Variants in TSPO observed in about 807,000 individuals in gnomAD.
The protein encoded by TSPO is benzodiazepine peripheral binding site.
In TSPO, 14 loss-of-function variants were observed where a neutral mutation model predicts 13.9. The ratio of observed to expected loss-of-function variants is 1.01; its 90% CI spans 0.67 to 1.58. The LOEUF is 1.58. Ranked by LOEUF, TSPO falls within the 40% of genes most tolerant of loss-of-function variation. TSPO has a pLI of 0.00. For synonymous variants in TSPO, 114 were observed against 105.9 expected (o/e 1.08, Z -0.47); for missense variants, 232 against 229.6 (o/e 1.01, Z -0.07).
rs1269021778 is a variant in TSPO, at chr22:43,159,222, C to T, written c.-17C>T. The T allele has an allele frequency of 3.3e-6, 5 of 1,529,984 alleles. No individual in the cohort carries two copies. Among genetic ancestry groups the T allele is most frequent in the African/African-American group, 2.8e-5 (2 of 72,628 alleles). 94.8% of individuals were successfully genotyped at this position (1,529,984 alleles called of 1,614,324 possible). A position where few individuals can be genotyped will look rare whatever the true frequency, so the allele number is the denominator to read the frequency against. ...TCTTCTCTTTCAGAGCTCCCCTGAA[C>T]AGCAGCTGCAGCAGCCATGGCCCCG... On this transcript the variant is annotated 5_prime_UTR_variant, in exon 2 of 4. Transcript: ENST00000337554.
intron 1 of TSPO, among the ~76,000 whole-genome samples, chr22:43,152,579 A>T (rs983727952): frequency 6.6e-6 from 1 of 152,254 alleles, no homozygotes; most frequent in Non-Finnish European, 1.5e-5. Context: ...GCAGGTTTCC[A>T]CTGGCGGTGA....
intron 1 of TSPO, among the ~76,000 whole-genome samples, chr22:43,156,299 G>A (rs142144999): frequency 2.0e-5 from 3 of 152,334 alleles, no homozygotes; most frequent in Middle Eastern, 3.4e-3. Context: ...TGGGAACACT[G>A]GGTGAGTCCC....
intron 1 of TSPO, chr22:43,152,225 G>A (rs551724408): frequency 6.6e-6 from 1 of 152,600 alleles, no homozygotes; most frequent in South Asian, 2.1e-4. Context: ...GCCCAGGTAG[G>A]AGAAGCGGGG....
chr22:43,152,822 C>T (rs139646337), intron 1 of TSPO, among the ~76,000 whole-genome samples: 5 of 152,336 alleles, frequency 3.3e-5, no homozygotes, highest in Non-Finnish European at 1.5e-5. Context: ...CACTTTCTTT[C>T]CTGGGAGTGT....
chr22:43,156,192 C>T (rs1931244735), intron 1 of TSPO, among the ~76,000 whole-genome samples: 1 of 152,160 alleles, frequency 6.6e-6, no homozygotes, highest in African/African-American at 2.4e-5. Context: ...AGACCCTGCT[C>T]TCTTGCTGTG....
chr22:43,154,597 A>T (rs2147050804), intron 1 of TSPO, among the ~76,000 whole-genome samples: 1 of 152,096 alleles, frequency 6.6e-6, no homozygotes, highest in South Asian at 2.1e-4. Context: ...ACCTGAGGTG[A>T]TCTGCCTGCC....
chr22:43,162,420 C>A (rs1256807498), intron 3 of TSPO, among the ~76,000 whole-genome samples: 1 of 152,220 alleles, frequency 6.6e-6, no homozygotes, highest in Non-Finnish European at 1.5e-5. Flanking sequence ...CTGCACCTGA[C>A]AAATAGCAAG....
intron 1 of TSPO, among the ~76,000 whole-genome samples, chr22:43,156,774 T>A (rs1931263786): frequency 6.6e-6 from 1 of 152,204 alleles, no homozygotes; most frequent in Admixed American, 6.5e-5. Context: ...TTCCATGTCG[T>A]ATCAAGGGGT....
At chr22:43,156,474 A>G (rs768202597) in intron 1 of TSPO, among the ~76,000 whole-genome samples, 14 of 121,722 alleles carry the variant, frequency 1.2e-4, no homozygotes, top group African/African-American at 4.4e-4. Flanking sequence ...GCGTGATTCC[A>G]TTGATACCAA....
chr22:43,161,083 G>A lies in TSPO; in HGVS notation c.214G>A (p.Gly72Arg), dbSNP rs1285443074. 1 of 1,614,158 alleles carries A rather than the reference G, an allele frequency of 6.2e-7. No individual in the cohort carries two copies. Among genetic ancestry groups the A allele is most frequent in the Middle Eastern group, 1.6e-4 (1 of 6,062 alleles). Residue 72 changes from glycine to arginine, a missense_variant, in exon 3 of 4, where the codon GGA becomes AGA. Physicochemically the swap from Gly to Arg is moderately radical, Grantham distance 125 (BLOSUM62 -2). Transcript: ENST00000337554. ...YGSYLVWKEL[G>R]GFTEKAVVPL... ...CTCCTACCTGGTCTGGAAAGAGCTGGGAGGCTTCACAGAGAAGGCTGTGGT... is the reference window on the plus strand; with the variant it reads ...CTCCTACCTGGTCTGGAAAGAGCTGAGAGGCTTCACAGAGAAGGCTGTGGT...
intron 2 of TSPO, chr22:43,159,820 A>C: frequency 5.8e-6 from 1 of 171,580 alleles, no homozygotes; most frequent in Non-Finnish European, 1.2e-5. Context: ...GACCCCCATA[A>C]TAAGAGGCCT....
intron 2 of TSPO, 149 bp downstream of exon 2, chr22:43,159,569 G>T: frequency 3.5e-6 from 3 of 862,792 alleles, no homozygotes; most frequent in Non-Finnish European, 4.9e-6. Context: ...GAAGCTGTGG[G>T]CCTGTCGATT....
intron 2 of TSPO, among the ~76,000 whole-genome samples, chr22:43,160,822 T>C (rs1931411002): frequency 6.6e-6 from 1 of 152,256 alleles, no homozygotes; most frequent in Non-Finnish European, 1.5e-5. Flanking sequence ...GGCAGGTATT[T>C]ACTGAGTGTC....
chr22:43,159,383 C>A lies in TSPO; in HGVS notation c.145C>A (p.Leu49Met). Residue 49 changes from leucine (L) to methionine (M), a missense_variant, in exon 2 of 4, where the codon CTG (leucine) becomes ATG (methionine). By Grantham distance (15) the Leu-to-Met change is conservative. Coordinates refer to ENST00000337554, the MANE Select transcript of TSPO (RefSeq NM_000714.6). ...KPSWHPPHWV[L>M]GPVWGTLYSA... Reference sequence around the variant, plus strand: ...CTCGTGGCACCCGCCCCACTGGGTGCTGGGCCCTGTCTGGGGCACGCTCTA... The same window carrying A: ...CTCGTGGCACCCGCCCCACTGGGTGATGGGCCCTGTCTGGGGCACGCTCTA... 6.5e-7 allele frequency: 1 copy of A among 1,541,040 alleles called. No individual in the cohort carries two copies. Among genetic ancestry groups the A allele is most frequent in the South Asian group, 1.2e-5 (1 of 83,246 alleles).
intron 1 of TSPO, among the ~76,000 whole-genome samples, chr22:43,152,691 G>C (rs943920448): frequency 1.3e-5 from 2 of 152,238 alleles, no homozygotes; most frequent in African/African-American, 4.8e-5. Flanking sequence ...AGGGAGGTTC[G>C]GCGAAACTGA....
At chr22:43,154,701 C>G (rs546133056) in intron 1 of TSPO, among the ~76,000 whole-genome samples, 12 of 152,010 alleles carry the variant, frequency 7.9e-5, no homozygotes, top group Non-Finnish European at 1.5e-4. Flanking sequence ...AGAAAGACAC[C>G]CTGAAACCCA....
chr22:43,160,087 G>A (rs1931386901), intron 2 of TSPO, among the ~76,000 whole-genome samples: 1 of 152,182 alleles, frequency 6.6e-6, no homozygotes, highest in Non-Finnish European at 1.5e-5. Context: ...CACTCTAGGG[G>A]GCGGATAGCA....
At chr22:43,156,155 G>A (rs1931243589) in intron 1 of TSPO, among the ~76,000 whole-genome samples, 1 of 152,254 alleles carries the variant, frequency 6.6e-6, no homozygotes, top group African/African-American at 2.4e-5. Context: ...GGGTGGGAGT[G>A]TGAGCACGGG....
At position 43,162,987 on chromosome 22, in the gene TSPO, A is replaced by T. The variant is rs568411305; in HGVS notation, c.506A>T (p.Glu169Val). The T allele has an allele frequency of 6.3e-7, 1 of 1,582,684 alleles. No individual in the cohort carries two copies. The highest frequency in any genetic ancestry group is 1.8e-5 in the Admixed American group (1 of 55,730). The change falls in exon 4 of 4, where the codon GAG becomes GTG. Residue 169 changes from glutamate (E) to valine (V), a missense_variant. Physicochemically the swap from Glu to Val is moderately radical, Grantham distance 121 (BLOSUM62 -2). Transcript: ENST00000337554. Reference protein sequence around the residue: ...HGWRGGRRLPE With the variant: ...HGWRGGRRLPV ...TGGCGTGGGGGACGGCGGCTGCCAG[A>T]GTGAGTGCCCGGCCCACCAGGGACT...
Sources: gnomAD v4.1 joint callset for allele counts (sites outside exome capture counted in the v4.1 genomes callset) on GRCh38, gnomAD v4.1.1 for gene constraint, MANE v1.5 for transcripts, NCBI Gene and HGNC (gene_info 2026-07-23, HGNC 2026-07-21) for gene names.